The following LINS1 variants were observed in gnomAD, a reference collection of about 807,000 sequenced individuals.
LINS1 encodes lines homolog 1, also known as protein Lines homolog 1.
A neutral mutation model predicts 41.6 loss-of-function variants in LINS1; 27 were observed. The ratio of observed to expected loss-of-function variants is 0.65; its 90% CI spans 0.48 to 0.89. The LOEUF (loss-of-function observed/expected upper bound fraction) is 0.89, where lower values mean the gene tolerates loss of function less well. Among genes scored for constraint, LINS1 ranks in the 40% least tolerant of loss-of-function variants. The pLI is 0.00. For synonymous variants in LINS1, 336 were observed against 312.9 expected (o/e 1.07, Z -0.78); for missense variants, 955 against 884.1 (o/e 1.08, Z -1.02).
At chr15:100,576,941 T>G (rs1000350712) in intron 3 of LINS1, among the ~76,000 whole-genome samples, 5 of 152,186 alleles carry the variant, frequency 3.3e-5, no homozygotes, top group African/African-American at 1.2e-4. Context: ...ATTATCTCAA[T>G]AGATGCAGAA....
At position 100,570,097 on chromosome 15, in the gene LINS1, C is replaced by G. The variant is rs2411837; in HGVS notation, c.1415G>C (p.Ser472Thr). The change falls in exon 7 of 7, where the codon AGC becomes ACC. Residue 472 changes from serine (S) to threonine (T), a missense_variant. Transcript: ENST00000314742. ...TLTRGCEATE[S>T]LTQGKEMWDH... ...CCACATTTCTTTTCCCTGAGTCAAG[C>G]TTTCAGTGGCTTCACATCCTCTGAA... is the stretch of plus-strand genomic sequence containing the variant. The G allele has an allele frequency of 0.4, 627,799 of 1,576,660 alleles. 132,224 individuals are homozygous for G. The highest frequency in any genetic ancestry group is 0.44 in the Non-Finnish European group (513,000 of 1,166,710).
At chr15:100,587,160 A>T (rs2038841183) in intron 1 of LINS1, among the ~76,000 whole-genome samples, 1 of 100,580 alleles carries the variant, frequency 9.9e-6, no homozygotes, top group Non-Finnish European at 2.4e-5. Context: ...TCTGTCTTAA[A>T]AAAAAAAAAA....
intron 1 of LINS1, among the ~76,000 whole-genome samples, chr15:100,587,182 A>AAAAAAAAAG (rs1555434011): frequency 1.1e-4 from 14 of 124,448 alleles, no homozygotes; most frequent in Non-Finnish European, 1.3e-4. Flanking sequence ...AAAAAAAAAA[A>AAAAAAAAAG]CATTAGCAGT....
chr15:100,600,551 C>CAAAAAACAAAAAAAA (rs2039437157), intron 1 of LINS1, among the ~76,000 whole-genome samples: 1 of 79,672 alleles, frequency 1.3e-5, no homozygotes, highest in African/African-American at 6.7e-5. Flanking sequence ...TGCTGTTAAG[C>CAAAAAACAAAAAAAA]AAAAAAAAAA....
intron 1 of LINS1, among the ~76,000 whole-genome samples, chr15:100,594,542 GC>G (rs1446505296): frequency 6.6e-6 from 1 of 152,120 alleles, no homozygotes; most frequent in Non-Finnish European, 1.5e-5. Flanking sequence ...ATCTACAGAT[GC>G]CCAAGTCCCA....
rs145263221 is a variant in LINS1 at position 100,573,191 on chromosome 15, C to T, written c.1222+460G>A. Reference sequence around the variant, plus strand: ...ACTGGAGTGCAGGTGTGCGATGGGTCGCGGCTCACTGTAGCCTTGATCTCC... The same window carrying T: ...ACTGGAGTGCAGGTGTGCGATGGGTTGCGGCTCACTGTAGCCTTGATCTCC... On this transcript the variant is annotated intron_variant, in intron 5 of 6. Coordinates refer to ENST00000314742, the MANE Select transcript of LINS1 (RefSeq NM_001040616.3). The T allele has an allele frequency of 2.6e-3, 465 of 180,318 alleles. 5 individuals are homozygous for T. Among genetic ancestry groups the T allele is most frequent in the African/African-American group, 0.01 (440 of 42,146 alleles). The allele number at this position is 180,318 out of a possible 1,614,324, so 11.2% of individuals were successfully genotyped here.
At chr15:100,573,162 C>G (rs983834336) in intron 5 of LINS1, 7 of 160,670 alleles carry the variant, frequency 4.4e-5, no homozygotes, top group African/African-American at 1.7e-4. Context: ...TCTGTTGCAC[C>G]AGGACTGGAG....
chr15:100,591,614 T>C (rs1396682268), intron 1 of LINS1, among the ~76,000 whole-genome samples: 4 of 152,240 alleles, frequency 2.6e-5, no homozygotes, highest in South Asian at 4.1e-4. Flanking sequence ...TTGTTTTTTT[T>C]CCGCAAATCT....
At chr15:100,582,025 C>T (rs1040513091) in intron 1 of LINS1, among the ~76,000 whole-genome samples, 6 of 152,256 alleles carry the variant, frequency 3.9e-5, no homozygotes, top group African/African-American at 1.4e-4. Context: ...TGCCCTGACC[C>T]GTTTATAGAC....
chr15:100,584,250 C>T (rs371709661), intron 1 of LINS1, among the ~76,000 whole-genome samples: 1 of 151,896 alleles, frequency 6.6e-6, no homozygotes, highest in African/African-American at 2.4e-5. Context: ...AATGGAATTA[C>T]TTTTATTTAA....
In LINS1 at chr15:100,569,187, C is replaced by T. The variant is rs79985453; in HGVS notation, c.*51G>A. The T allele has an allele frequency of 0.084, 100,595 of 1,200,226 alleles. 4,775 individuals are homozygous for T. Among genetic ancestry groups the T allele is most frequent in the Non-Finnish European group, 0.1 (84,907 of 819,008 alleles). The allele number at this position is 1,200,226 out of a possible 1,614,324, so 74.3% of individuals were successfully genotyped here. ...ATTTTATACTATTACCTCATTGAGA[C>T]ATAATTTATATTAAGGAAAAACAAT... On this transcript the variant is annotated 3_prime_UTR_variant, in exon 7 of 7. Transcript: ENST00000314742.
chr15:100,588,313 G>A lies in LINS1; in HGVS notation c.-103-7368C>T, dbSNP rs149020864. Among the ~76,000 whole-genome samples, 298 of 152,304 alleles carry A rather than the reference G, an allele frequency of 2.0e-3. 1 individual carries two copies. The highest frequency in any genetic ancestry group is 3.7e-3 in the Non-Finnish European group (254 of 68,028). On this transcript the variant is annotated intron_variant, in intron 1 of 6. Coordinates refer to ENST00000314742, the MANE Select transcript of LINS1 (RefSeq NM_001040616.3). ...TTCTCTTTTCACAATGGTGGCCTGG[G>A]TTTAGGGTTCAATTCCTGGCTCAGG...
At chr15:100,594,451 T>C (rs2039163538) in intron 1 of LINS1, among the ~76,000 whole-genome samples, 1 of 152,160 alleles carries the variant, frequency 6.6e-6, no homozygotes, top group African/African-American at 2.4e-5. Context: ...TCTGGAATTG[T>C]GAGTTTCTGA....
At chr15:100,571,570 T>G (rs986622845) in intron 6 of LINS1, among the ~76,000 whole-genome samples, 7 of 152,134 alleles carry the variant, frequency 4.6e-5, no homozygotes, top group African/African-American at 1.7e-4. Context: ...TACAAAAAAG[T>G]AAGTCTTAGG....
At chr15:100,574,836 G>GT (rs2141282901) in intron 4 of LINS1, 151 bp downstream of exon 4, 2 of 802,706 alleles carry the variant, frequency 2.5e-6, no homozygotes, top group Non-Finnish European at 4.0e-6. Flanking sequence ...TTTAAAACAG[G>GT]TTATCCTCAA....
At chr15:100,595,040 C>A (rs2039187771) in intron 1 of LINS1, among the ~76,000 whole-genome samples, 1 of 152,114 alleles carries the variant, frequency 6.6e-6, no homozygotes, top group Non-Finnish European at 1.5e-5. Flanking sequence ...TAAAATAACT[C>A]CAACCTTTTA....
At chr15:100,600,283 G>C (rs1384608912) in intron 1 of LINS1, among the ~76,000 whole-genome samples, 1 of 152,124 alleles carries the variant, frequency 6.6e-6, no homozygotes, top group Non-Finnish European at 1.5e-5. Context: ...AAATGGAGGA[G>C]AGACTTCTTT....
chr15:100,580,334 A>T lies in LINS1; in HGVS notation c.418T>A (p.Ser140Thr), dbSNP rs200152794. 114 of 1,612,850 alleles carry T rather than the reference A, an allele frequency of 7.1e-5. 2 individuals are homozygous for T. The highest frequency in any genetic ancestry group is 1.5e-5 in the Non-Finnish European group (18 of 1,179,182). Residue 140 changes from serine (S) to threonine (T), a missense_variant, in exon 3 of 7, where the codon TCA becomes ACA. Transcript: ENST00000314742. ...DSKLICMFQN[S>T]DKLLSHMAAQ... ...GCCATGTGAGATAACAATTTATCTGAATTTTGGAACATGCAGATCTACAGG... is the reference window on the plus strand; with the variant it reads ...GCCATGTGAGATAACAATTTATCTGTATTTTGGAACATGCAGATCTACAGG...
In LINS1 at chr15:100,580,294, G is replaced by A; in HGVS notation, c.458C>T (p.Ala153Val). 1 of 1,611,760 alleles carries A rather than the reference G, an allele frequency of 6.2e-7. No homozygotes were observed. Among genetic ancestry groups the A allele is most frequent in the Middle Eastern group, 1.7e-4 (1 of 6,058 alleles). The change falls in exon 3 of 7, where the codon GCA (alanine) becomes GTA (valine). Residue 153 changes from alanine to valine, a missense_variant. By Grantham distance (64) the Ala-to-Val change is moderately conservative (BLOSUM62 0). Transcript: ENST00000314742. ...LLSHMAAQCL[A>V]LLLYFQLREK... ...TCTCAATTGGAAATATAGAAGCAAT[G>A]CAAGGCACTGTGCAGCCATGTGAGA...
Sources: gnomAD v4.1 joint callset for allele counts (sites outside exome capture counted in the v4.1 genomes callset) on GRCh38, gnomAD v4.1.1 for gene constraint, MANE v1.5 for transcripts, NCBI Gene and HGNC (gene_info 2026-07-23, HGNC 2026-07-21) for gene names.